GUCY1A2: variants seen among roughly 807,000 people sequenced by gnomAD.
The protein encoded by GUCY1A2 is guanylate cyclase soluble subunit alpha-2.
Under a neutral mutation model 63.5 loss-of-function variants are expected in GUCY1A2, and 27 were observed. That is an observed-to-expected ratio of 0.43 (90% CI 0.31 to 0.59). GUCY1A2 has a LOEUF of 0.59. GUCY1A2 is among the 20% of genes least tolerant of loss of function. The probability of loss-of-function intolerance (pLI) is 0.11; values close to 1 mark genes in which losing one functional copy is unlikely to be tolerated. For missense variants in GUCY1A2, 768 were observed against 913.3 expected (o/e 0.84, Z 2.05); for synonymous variants, 364 against 343.5 (o/e 1.06, Z -0.66).
At position 106,892,486 on chromosome 11, in the gene GUCY1A2, A is replaced by G. The variant is rs1392362645; in HGVS notation, c.1206+46974T>C. Reference sequence around the variant, plus strand: ...CTTTTCTTTTTTAATTGATATGTTTACTTTCCCAAAAACTTGCCAGTGTCC... The same window carrying G: ...CTTTTCTTTTTTAATTGATATGTTTGCTTTCCCAAAAACTTGCCAGTGTCC... On this transcript the variant is annotated intron_variant, in intron 4 of 7. Transcript: ENST00000526355. Among the ~76,000 whole-genome samples the G allele has an allele frequency of 2.6e-5, 4 of 152,094 alleles. No individual in the cohort carries two copies. In the East Asian group the frequency reaches 7.7e-4, roughly 29 times the overall value.
At chr11:106,871,813 G>T (rs1251394230) in intron 4 of GUCY1A2, among the ~76,000 whole-genome samples, 3 of 152,160 alleles carry the variant, frequency 2.0e-5, no homozygotes, top group South Asian at 4.1e-4. Context: ...AAGATGTAAT[G>T]TACTTTGATT....
At chr11:106,854,496 G>T (rs1247541263) in intron 4 of GUCY1A2, among the ~76,000 whole-genome samples, 1 of 152,150 alleles carries the variant, frequency 6.6e-6, no homozygotes, top group Non-Finnish European at 1.5e-5. Context: ...GGGGCATGTG[G>T]TGGTGAGAAG....
At chr11:106,864,341 A>G (rs903634122) in intron 4 of GUCY1A2, among the ~76,000 whole-genome samples, 7 of 152,162 alleles carry the variant, frequency 4.6e-5, no homozygotes, top group African/African-American at 1.7e-4. Context: ...GGTTTTCTAA[A>G]TATACAATCA....
chr11:106,992,373 A>AG (rs1861481463), intron 1 of GUCY1A2, among the ~76,000 whole-genome samples: 1 of 127,410 alleles, frequency 7.8e-6, no homozygotes, highest in African/African-American at 3.1e-5. Flanking sequence ...TCTGTCCCCC[A>AG]GGCTGGAGTG....
chr11:106,945,405 C>CAA (rs5794507), intron 3 of GUCY1A2, among the ~76,000 whole-genome samples: 21 of 151,686 alleles, frequency 1.4e-4, no homozygotes, highest in South Asian at 1.0e-3. Context: ...AAAAACAAAA[C>CAA]AAAAAAACAC....
chr11:106,849,358 T>A (rs1180456748), intron 4 of GUCY1A2, among the ~76,000 whole-genome samples: 1 of 149,564 alleles, frequency 6.7e-6, no homozygotes, highest in Non-Finnish European at 1.5e-5. Flanking sequence ...ATATTATATA[T>A]GTAATATATA....
Position 106,736,124 on chromosome 11 carries a change from C to T in GUCY1A2, c.1837-27458G>A, listed in dbSNP as rs866298703. Among the ~76,000 whole-genome samples the T allele has an allele frequency of 1.2e-4, 18 of 152,086 alleles. 1 individual carries two copies. The South Asian group carries it at 3.5e-3, about 30-fold the overall frequency. On this transcript the variant is annotated intron_variant, in intron 6 of 7. Coordinates refer to ENST00000526355, the MANE Select transcript of GUCY1A2 (RefSeq NM_000855.3). The stretch of plus-strand genomic sequence containing the variant: ...GATTGTTTCCTTTGATGTACAGAAG[C>T]TTTTTAAGTTGATGTGATCCTATTG...
At chr11:106,787,411 C>G (rs1165143060) in intron 5 of GUCY1A2, among the ~76,000 whole-genome samples, 10 of 11,210 alleles carry the variant, frequency 8.9e-4, no homozygotes, top group African/African-American at 6.0e-3. Flanking sequence ...ATTTGCCTTA[C>G]TTTGTTTTTT....
intron 4 of GUCY1A2, among the ~76,000 whole-genome samples, chr11:106,845,545 T>C (rs910599555): frequency 2.6e-5 from 4 of 151,610 alleles, no homozygotes; most frequent in Non-Finnish European, 5.9e-5. Context: ...AGCAGGTCAA[T>C]GTAGGTACAA....
At chr11:106,818,766 A>G (rs531553037) in intron 4 of GUCY1A2, among the ~76,000 whole-genome samples, 1 of 152,304 alleles carries the variant, frequency 6.6e-6, no homozygotes, top group South Asian at 2.1e-4. Flanking sequence ...GAACACACAA[A>G]TGATAAGAAA....
chr11:106,725,062 A>C (rs537248817), intron 6 of GUCY1A2, among the ~76,000 whole-genome samples: 5 of 151,826 alleles, frequency 3.3e-5, no homozygotes, highest in Non-Finnish European at 7.4e-5. Context: ...TTAGGATTGC[A>C]GACTGAATTA....
At chr11:106,953,645 G>A (rs961873332) in intron 3 of GUCY1A2, among the ~76,000 whole-genome samples, 1 of 151,932 alleles carries the variant, frequency 6.6e-6, no homozygotes, top group Non-Finnish European at 1.5e-5. Flanking sequence ...GAATCCATCT[G>A]GTCCTTGCTT....
At chr11:106,717,603 G>GC (rs1863238133) in intron 6 of GUCY1A2, among the ~76,000 whole-genome samples, 2 of 152,112 alleles carry the variant, frequency 1.3e-5, no homozygotes, top group African/African-American at 4.8e-5. Flanking sequence ...AGTAGAAAAA[G>GC]CCCGTAAGCT....
At chr11:106,981,533 T>C (rs1402704533) in intron 2 of GUCY1A2, among the ~76,000 whole-genome samples, 4 of 150,296 alleles carry the variant, frequency 2.7e-5, no homozygotes, top group Non-Finnish European at 4.4e-5. Flanking sequence ...TATTTCTTTA[T>C]TCTTTATTGT....
At chr11:106,705,600 C>T (rs978626223) in intron 7 of GUCY1A2, among the ~76,000 whole-genome samples, 1 of 152,056 alleles carries the variant, frequency 6.6e-6, no homozygotes, top group East Asian at 1.9e-4. Flanking sequence ...GTGGCTCAGG[C>T]TTATAATCCC....
At chr11:106,734,283 G>GA (rs1286472158) in intron 6 of GUCY1A2, among the ~76,000 whole-genome samples, 5 of 152,010 alleles carry the variant, frequency 3.3e-5, no homozygotes, top group Non-Finnish European at 7.4e-5. Context: ...CTACTTGAGA[G>GA]AGAACAGAAA....
At chr11:106,978,388 T>G (rs541683666) in intron 3 of GUCY1A2, among the ~76,000 whole-genome samples, 30 of 152,336 alleles carry the variant, frequency 2.0e-4, no homozygotes, top group Non-Finnish European at 4.1e-4. Flanking sequence ...ATTGTTTCCC[T>G]GGAATTTAAG....
Position 106,934,304 on chromosome 11 carries a change from C to T in GUCY1A2, c.1206+5156G>A, listed in dbSNP as rs117195452. ...GAGAAAGCTCTAATGTCAGGTTGTT[C>T]ATCACTAAAGGTAACTACAGTTCAA... is the stretch of plus-strand genomic sequence containing the variant. On this transcript the variant is annotated intron_variant, in intron 4 of 7. Transcript: ENST00000526355. Among the ~76,000 whole-genome samples, 798 of 152,150 alleles carry T rather than the reference C, an allele frequency of 5.2e-3. 43 individuals carry two copies. The East Asian group carries it at 0.12, about 23-fold the overall frequency.
intron 1 of GUCY1A2, among the ~76,000 whole-genome samples, chr11:107,000,191 T>A (rs1356447366): frequency 6.6e-6 from 1 of 152,216 alleles, no homozygotes; most frequent in Non-Finnish European, 1.5e-5. Context: ...TTGAAATGTG[T>A]TTACAATGGC....
Sources: allele counts gnomAD v4.1 joint callset (sites outside exome capture counted in the v4.1 genomes callset), GRCh38; gene constraint gnomAD v4.1.1; transcripts MANE v1.5; gene names NCBI Gene and HGNC (gene_info 2026-07-23, HGNC 2026-07-21).